The following NRG3 variants were observed in gnomAD, a reference collection of about 807,000 sequenced individuals.
NRG3 encodes the protein pro-neuregulin-3, membrane-bound isoform.
Under a neutral mutation model 66.9 loss-of-function variants are expected in NRG3, and 31 were observed. The observed-to-expected ratio is 0.46, with a 90% CI of 0.35 to 0.63. NRG3 has a LOEUF of 0.63. NRG3 is among the 20% of genes least tolerant of loss of function. The pLI is 0.00. For missense variants in NRG3, 910 were observed against 878.9 expected (o/e 1.04, Z -0.45); for synonymous variants, 393 against 359.4 (o/e 1.09, Z -1.06).
chr10:82,452,909 C>T (rs1464513142), intron 2 of NRG3, among the ~76,000 whole-genome samples: 1 of 152,076 alleles, frequency 6.6e-6, no homozygotes, highest in Non-Finnish European at 1.5e-5. Flanking sequence ...CTTCTGTCCA[C>T]GTTTCTGTGG....
At chr10:81,960,349 T>C (rs886436018) in intron 1 of NRG3, among the ~76,000 whole-genome samples, 3 of 152,186 alleles carry the variant, frequency 2.0e-5, no homozygotes, top group African/African-American at 7.2e-5. Flanking sequence ...GTTGTGGCCT[T>C]TTTAGGATGT....
chr10:82,470,636 A>T (rs951452214), intron 2 of NRG3, among the ~76,000 whole-genome samples: 2 of 152,212 alleles, frequency 1.3e-5, no homozygotes, highest in African/African-American at 4.8e-5. Context: ...CAGTGCCCAG[A>T]ACTCAGCCAG....
At chr10:82,665,460 C>A (rs904407377) in intron 2 of NRG3, among the ~76,000 whole-genome samples, 2 of 152,152 alleles carry the variant, frequency 1.3e-5, no homozygotes, top group Non-Finnish European at 2.9e-5. Flanking sequence ...TCATATCCAC[C>A]CACTTTCATG....
chr10:82,879,871 C>G (rs1165260797), intron 4 of NRG3, among the ~76,000 whole-genome samples: 1 of 150,886 alleles, frequency 6.6e-6, no homozygotes, highest in African/African-American at 2.4e-5. Flanking sequence ...GATTGGAACA[C>G]AGCTTAGGGA....
chr10:82,399,289 C>T (rs1038839559), intron 2 of NRG3, among the ~76,000 whole-genome samples: 22 of 152,270 alleles, frequency 1.4e-4, no homozygotes, highest in Admixed American at 1.4e-3. Context: ...ATTACACCAA[C>T]TCAAACCCAG....
At chr10:82,921,763 G>A (rs542775955) in intron 4 of NRG3, among the ~76,000 whole-genome samples, 1 of 152,194 alleles carries the variant, frequency 6.6e-6, no homozygotes, top group Admixed American at 6.6e-5. Context: ...AACCAAGTCA[G>A]GTGTGAAGAT....
At chr10:82,460,341 TAAAG>T (rs1378479008) in intron 2 of NRG3, among the ~76,000 whole-genome samples, 5 of 152,142 alleles carry the variant, frequency 3.3e-5, no homozygotes, top group African/African-American at 4.8e-5. Flanking sequence ...CTTTGTAAAA[TAAAG>T]AAACTGATAG....
intron 1 of NRG3, among the ~76,000 whole-genome samples, chr10:82,005,243 G>T (rs1446005126): frequency 2.0e-5 from 3 of 152,144 alleles, no homozygotes; most frequent in African/African-American, 7.2e-5. Flanking sequence ...ACTCTATGCT[G>T]GTCCATTAAT....
chr10:82,337,629 A>G (rs1218903868), intron 1 of NRG3, among the ~76,000 whole-genome samples: 1 of 152,164 alleles, frequency 6.6e-6, no homozygotes, highest in Non-Finnish European at 1.5e-5. Flanking sequence ...ATTTCTCCAC[A>G]TTCCTGCCAA....
intron 1 of NRG3, among the ~76,000 whole-genome samples, chr10:82,268,719 A>G (rs923544616): frequency 6.6e-6 from 1 of 152,014 alleles, no homozygotes; most frequent in Non-Finnish European, 1.5e-5. Flanking sequence ...TTTCCTGTCT[A>G]GGACATCATG....
At position 82,802,126 on chromosome 10, in the gene NRG3, T is replaced by A. The variant is rs1370760268; in HGVS notation, c.1028-63285T>A. 2.0e-5 allele frequency among the ~76,000 whole-genome samples: 3 copies of A among 152,228 alleles called. No individual in the cohort carries two copies. The East Asian group carries it at 5.8e-4, about 29-fold the overall frequency. On this transcript the variant is annotated intron_variant, in intron 3 of 8. Transcript: ENST00000372141. ...CTAGAGGTGCGTAGTATGAGTTTTT[T>A]AACCAAATTCCTTTACTCTAATACT...
At chr10:82,139,264 C>A (rs1324718886) in intron 1 of NRG3, among the ~76,000 whole-genome samples, 3 of 152,100 alleles carry the variant, frequency 2.0e-5, no homozygotes. Context: ...GCAGTTTCAG[C>A]AGTGCCTTTT....
intron 1 of NRG3, among the ~76,000 whole-genome samples, chr10:81,939,166 A>AT (rs1848176731): frequency 6.6e-6 from 1 of 151,786 alleles, no homozygotes; most frequent in Non-Finnish European, 1.5e-5. Flanking sequence ...GTTTGCTAGT[A>AT]TTTTTTTAGG....
intron 1 of NRG3, among the ~76,000 whole-genome samples, chr10:82,243,327 G>C (rs944463954): frequency 6.6e-6 from 1 of 152,034 alleles, no homozygotes; most frequent in African/African-American, 2.4e-5. Flanking sequence ...CTGATAACTA[G>C]AAATATTTCT....
At chr10:82,759,899 C>T (rs982372957) in intron 3 of NRG3, among the ~76,000 whole-genome samples, 4 of 152,058 alleles carry the variant, frequency 2.6e-5, no homozygotes, top group South Asian at 4.2e-4. Context: ...AGGTAACAGT[C>T]GGCACAAGAC....
chr10:82,675,020 C>T (rs1181793605), intron 2 of NRG3, among the ~76,000 whole-genome samples: 3 of 151,550 alleles, frequency 2.0e-5, no homozygotes, highest in Non-Finnish European at 2.9e-5. Context: ...AGTGCAATGG[C>T]GCGCCTCGGC....
chr10:82,265,191 A>T (rs1407179736), intron 1 of NRG3, among the ~76,000 whole-genome samples: 1 of 152,174 alleles, frequency 6.6e-6, no homozygotes, highest in Non-Finnish European at 1.5e-5. Context: ...TCTAATTATA[A>T]ATTTATAGTA....
chr10:82,074,016 G>T (rs1190201917), intron 1 of NRG3, among the ~76,000 whole-genome samples: 1 of 151,522 alleles, frequency 6.6e-6, no homozygotes, highest in African/African-American at 2.4e-5. Context: ...GAGTATGTGT[G>T]TATATAAAAT....
At chr10:81,929,248 C>T (rs1847107429) in intron 1 of NRG3, among the ~76,000 whole-genome samples, 1 of 152,104 alleles carries the variant, frequency 6.6e-6, no homozygotes, top group Admixed American at 6.5e-5. Context: ...GACAACCTCC[C>T]TCTCCATCTG....
Sources: allele counts gnomAD v4.1 joint callset (sites outside exome capture counted in the v4.1 genomes callset), GRCh38; gene constraint gnomAD v4.1.1; transcripts MANE v1.5; gene names NCBI Gene and HGNC (gene_info 2026-07-23, HGNC 2026-07-21).